Variants in DPP6 observed in about 807,000 individuals in gnomAD.
The protein encoded by DPP6 is dipeptidyl peptidase like 6.
DPP6 carries 69 observed loss-of-function variants against 122.6 expected under a neutral mutation model. The observed-to-expected ratio is 0.56, with a 90% CI of 0.46 to 0.69. DPP6 has a LOEUF of 0.69. Ranked by LOEUF, DPP6 falls within the 30% of genes least tolerant of loss-of-function variation. DPP6 has a pLI of 0.00. For synonymous variants in DPP6, 418 were observed against 433.1 expected (o/e 0.97, Z 0.43); for missense variants, 928 against 1,116.9 (o/e 0.83, Z 2.41).
At chr7:154,668,220 A>ATATATATATATATATATATATGTATAT (rs59348250) in intron 6 of DPP6, among the ~76,000 whole-genome samples, 1 of 25,000 alleles carries the variant, frequency 4.0e-5, no homozygotes, top group Admixed American at 7.9e-4. Context: ...TATATATATA[A>ATATATATATATATATATATATGTATAT]TATACACATT....
chr7:153,791,210 T>G, the DPP6 span, among the ~76,000 whole-genome samples: 1 of 152,178 alleles, frequency 6.6e-6, no homozygotes, highest in African/African-American at 2.4e-5. Context: ...TAGAAAAGAC[T>G]GACTACGTCT....
At chr7:154,169,074 C>G (rs540610429) in intron 1 of DPP6, among the ~76,000 whole-genome samples, 20 of 139,722 alleles carry the variant, frequency 1.4e-4, no homozygotes, top group Non-Finnish European at 2.5e-4. Flanking sequence ...GAGACCCTAC[C>G]CATACCCCTT....
intron 16 of DPP6, among the ~76,000 whole-genome samples, chr7:154,815,887 A>G (rs977830701): frequency 2.0e-5 from 3 of 152,226 alleles, no homozygotes; most frequent in African/African-American, 7.2e-5. Flanking sequence ...TCCTTCTCCA[A>G]GTTGAGTGGA....
At chr7:154,049,487 C>T (rs1332420160), upstream of DPP6, among the ~76,000 whole-genome samples, 1 of 123,906 alleles carries the variant, frequency 8.1e-6, no homozygotes, top group African/African-American at 3.0e-5. Context: ...ACAGTGTCCT[C>T]ACACCCTCGA....
chr7:154,582,221 A>C (rs1441607038), intron 5 of DPP6, among the ~76,000 whole-genome samples: 2 of 152,242 alleles, frequency 1.3e-5, no homozygotes, highest in Non-Finnish European at 2.9e-5. Flanking sequence ...AAACCCTGGA[A>C]ACAGAAAGTC....
At chr7:154,081,346 A>T (rs1248369405) in intron 1 of DPP6, among the ~76,000 whole-genome samples, 1 of 146,778 alleles carries the variant, frequency 6.8e-6, no homozygotes, top group East Asian at 1.9e-4. Flanking sequence ...TTAGACTCTG[A>T]TGCCTCCAGG....
At chr7:153,864,634 G>A in the DPP6 span, among the ~76,000 whole-genome samples, 1 of 151,070 alleles carries the variant, frequency 6.6e-6, no homozygotes, top group South Asian at 2.1e-4. Flanking sequence ...TCCAGCCTGG[G>A]CAACAGAGCA....
intron 1 of DPP6, among the ~76,000 whole-genome samples, chr7:153,899,616 G>T (rs1456402233): frequency 6.6e-6 from 1 of 152,184 alleles, no homozygotes; most frequent in Non-Finnish European, 1.5e-5. Flanking sequence ...CAAGGACCTT[G>T]CAAATAGCTG....
the DPP6 span, among the ~76,000 whole-genome samples, chr7:153,819,169 G>A: frequency 8.6e-6 from 1 of 115,938 alleles, no homozygotes; most frequent in East Asian, 2.5e-4. Context: ...AGGGTTTGTT[G>A]TACAGATTAT....
chr7:154,129,771 G>A (rs1808221388), intron 1 of DPP6, among the ~76,000 whole-genome samples: 1 of 152,000 alleles, frequency 6.6e-6, no homozygotes, highest in Non-Finnish European at 1.5e-5. Flanking sequence ...GTGGTGGTGG[G>A]CACCTGTAGT....
intron 5 of DPP6, among the ~76,000 whole-genome samples, chr7:154,577,111 G>A (rs1037784816): frequency 8.7e-4 from 133 of 152,270 alleles, no homozygotes; most frequent in African/African-American, 2.6e-3. Context: ...TGAACAAGGC[G>A]TAGTTTGGGG....
chr7:154,512,033 C>A (rs969145992), intron 3 of DPP6, among the ~76,000 whole-genome samples: 1 of 152,108 alleles, frequency 6.6e-6, no homozygotes, highest in African/African-American at 2.4e-5. Context: ...GGTCTAGTAA[C>A]TAATGATAAA....
At chr7:153,885,199 T>G (rs866722760), upstream of DPP6, among the ~76,000 whole-genome samples, 18 of 151,842 alleles carry the variant, frequency 1.2e-4, no homozygotes, top group African/African-American at 4.3e-4. Flanking sequence ...CTGCTTACAA[T>G]CGGATTTAGA....
At chr7:153,930,128 C>T (rs1201125185) in intron 1 of DPP6, among the ~76,000 whole-genome samples, 1 of 152,232 alleles carries the variant, frequency 6.6e-6, no homozygotes, top group East Asian at 1.9e-4. Flanking sequence ...AATGAAACCA[C>T]TGCCATTTCT....
chr7:154,646,886 C>T (rs1186005604), intron 6 of DPP6, among the ~76,000 whole-genome samples: 5 of 152,178 alleles, frequency 3.3e-5, no homozygotes, highest in Non-Finnish European at 5.9e-5. Context: ...TGTCATCGGC[C>T]ACCTGCAAAG....
the DPP6 span, among the ~76,000 whole-genome samples, chr7:153,764,145 T>A: frequency 6.6e-6 from 1 of 152,302 alleles, no homozygotes; most frequent in South Asian, 2.1e-4. Context: ...AAAATTAAAA[T>A]GCCCGGCCTA....
intron 1 of DPP6, among the ~76,000 whole-genome samples, chr7:154,401,199 AAAAAAC>A (rs1221298453): frequency 7.1e-6 from 1 of 141,190 alleles, no homozygotes; most frequent in South Asian, 2.1e-4. Flanking sequence ...TCCATCTCAG[AAAAAAC>A]AAAAACAAAA....
At chr7:154,468,115 T>A (rs1295963072) in intron 2 of DPP6, among the ~76,000 whole-genome samples, 1 of 152,218 alleles carries the variant, frequency 6.6e-6, no homozygotes, top group Non-Finnish European at 1.5e-5. Flanking sequence ...ATATTATTCA[T>A]CTATAAAAAG....
At chr7:154,192,253 G>A (rs1216098562) in intron 1 of DPP6, among the ~76,000 whole-genome samples, 1 of 152,184 alleles carries the variant, frequency 6.6e-6, no homozygotes, top group Non-Finnish European at 1.5e-5. Context: ...ATTGTACAAC[G>A]TCTTGATAGC....
Sources: allele counts gnomAD v4.1 joint callset (sites outside exome capture counted in the v4.1 genomes callset), GRCh38; gene constraint gnomAD v4.1.1; transcripts MANE v1.5; gene names NCBI Gene and HGNC (gene_info 2026-07-23, HGNC 2026-07-21).